The following DCLK1 variants were observed in gnomAD, a reference collection of about 807,000 sequenced individuals.
DCLK1 encodes serine/threonine-protein kinase DCLK1.
DCLK1 carries 16 observed loss-of-function variants against 86.2 expected under a neutral mutation model. The observed-to-expected ratio is 0.19, with a 90% CI of 0.13 to 0.28. The LOEUF is 0.28. Among genes scored for constraint, DCLK1 ranks in the 10% least tolerant of loss-of-function variants. DCLK1 has a pLI of 1.00. For missense variants in DCLK1, 590 were observed against 940.2 expected, an observed-to-expected ratio of 0.63 and a Z score of 4.87; for synonymous variants, 369 against 370.5, an observed-to-expected ratio of 1.00 and a Z score of 0.05.
At chr13:35,989,110 CAT>C (rs1310670600) in intron 3 of DCLK1, among the ~76,000 whole-genome samples, 1 of 152,138 alleles carries the variant, frequency 6.6e-6, no homozygotes, top group African/African-American at 2.4e-5. Flanking sequence ...GAATCCATAA[CAT>C]ATTCACTCTC....
intron 3 of DCLK1, among the ~76,000 whole-genome samples, chr13:36,015,603 A>T (rs1265058795): frequency 6.6e-6 from 1 of 152,124 alleles, no homozygotes; most frequent in Admixed American, 6.6e-5. Context: ...AGCCTGTCAC[A>T]ACCTATTTTC....
chr13:35,897,067 T>G (rs1403729938), intron 4 of DCLK1, among the ~76,000 whole-genome samples: 1 of 152,072 alleles, frequency 6.6e-6, no homozygotes, highest in African/African-American at 2.4e-5. Flanking sequence ...TGCCAGCCAT[T>G]CTTCATTATC....
intron 4 of DCLK1, among the ~76,000 whole-genome samples, chr13:35,915,668 C>T (rs1486412521): frequency 1.3e-5 from 2 of 151,848 alleles, no homozygotes; most frequent in Non-Finnish European, 2.9e-5. Context: ...CACACCACTG[C>T]ACTCCAGCCT....
At chr13:35,840,228 A>G (rs1869695143) in intron 6 of DCLK1, among the ~76,000 whole-genome samples, 1 of 152,166 alleles carries the variant, frequency 6.6e-6, no homozygotes, top group Non-Finnish European at 1.5e-5. Context: ...CTCCTCCCCA[A>G]CCCATTCAGC....
At chr13:35,835,274 G>A (rs1869275013) in intron 8 of DCLK1, among the ~76,000 whole-genome samples, 1 of 152,154 alleles carries the variant, frequency 6.6e-6, no homozygotes. Context: ...AGAGGACACA[G>A]TCCCTCAAGG....
chr13:35,857,613 T>C (rs962762762), intron 5 of DCLK1, among the ~76,000 whole-genome samples: 17 of 152,264 alleles, frequency 1.1e-4, no homozygotes, highest in African/African-American at 4.1e-4. Context: ...TGTGTGTCTT[T>C]TGTTTAAATT....
intron 4 of DCLK1, among the ~76,000 whole-genome samples, chr13:35,934,607 C>T (rs1258652711): frequency 1.3e-5 from 2 of 152,086 alleles, no homozygotes; most frequent in African/African-American, 2.4e-5. Context: ...GAAACTGCAC[C>T]CACGATTCAA....
At position 35,827,689 on chromosome 13, in the gene DCLK1, C is replaced by G; in HGVS notation, c.1353G>C (p.Leu451=). Residue 451 remains leucine, a synonymous_variant, in exon 10 of 17, where the codon CTG becomes CTC. Coordinates refer to ENST00000360631, the MANE Select transcript of DCLK1 (RefSeq NM_001330071.2). The stretch of plus-strand genomic sequence containing the variant: ...CAGTTGGCACATCCATCTCCTCAAT[C>G]AGAAGAACGATATTGGGATGCTTCA... The part of the protein sequence containing the change: ...RRVKHPNIVL[L]IEEMDVPTEL... 6.2e-7 allele frequency: 1 copy of G among 1,613,962 alleles called. No homozygotes were observed. Among genetic ancestry groups the G allele is most frequent in the Non-Finnish European group, 8.5e-7 (1 of 1,179,936 alleles).
At chr13:36,116,110 C>A (rs1194199926) in intron 2 of DCLK1, among the ~76,000 whole-genome samples, 1 of 151,566 alleles carries the variant, frequency 6.6e-6, no homozygotes, top group South Asian at 2.1e-4. Context: ...CCACCACACC[C>A]AGTGAATTTT....
At chr13:36,025,448 T>C (rs1052135116) in intron 3 of DCLK1, among the ~76,000 whole-genome samples, 1 of 152,202 alleles carries the variant, frequency 6.6e-6, no homozygotes. Context: ...GTTAGCATAA[T>C]TCCTAATAGA....
intron 8 of DCLK1, among the ~76,000 whole-genome samples, chr13:35,828,907 T>C (rs750070138): frequency 2.0e-5 from 3 of 152,184 alleles, no homozygotes; most frequent in Admixed American, 6.5e-5. Context: ...CACTCCACGC[T>C]CTTTAGACCT....
intron 3 of DCLK1, among the ~76,000 whole-genome samples, chr13:36,002,624 A>C (rs1463840116): frequency 6.6e-6 from 1 of 152,156 alleles, no homozygotes; most frequent in East Asian, 1.9e-4. Context: ...TTGCTGGGAG[A>C]TCAAGAATTA....
intron 3 of DCLK1, among the ~76,000 whole-genome samples, chr13:35,975,425 G>T (rs1879284459): frequency 6.6e-6 from 1 of 152,130 alleles, no homozygotes; most frequent in South Asian, 2.1e-4. Flanking sequence ...GCAACAAGGT[G>T]CAGGGAGGCG....
rs535007156 is a variant in DCLK1, at chr13:35,878,900, C to T, written c.824-7560G>A. 3.3e-5 allele frequency among the ~76,000 whole-genome samples: 5 copies of T among 152,088 alleles called. No individual in the cohort carries two copies. The South Asian group carries it at 6.2e-4, about 19-fold the overall frequency. The stretch of plus-strand genomic sequence containing the variant: ...TCCCAGGTTCAGGTGATTCTCCTGC[C>T]TCAGCCTCCTGAGCCACTGGGATTA... On this transcript the variant is annotated intron_variant, in intron 4 of 16. Coordinates refer to ENST00000360631, the MANE Select transcript of DCLK1 (RefSeq NM_001330071.2).
chr13:36,116,262 TG>T (rs1205913812), intron 2 of DCLK1, among the ~76,000 whole-genome samples: 1 of 152,218 alleles, frequency 6.6e-6, no homozygotes, highest in Non-Finnish European at 1.5e-5. Flanking sequence ...TATTTTTAAA[TG>T]ATCATACTGG....
chr13:36,098,653 G>T (rs1044794823), intron 3 of DCLK1, among the ~76,000 whole-genome samples: 1 of 152,114 alleles, frequency 6.6e-6, no homozygotes, highest in African/African-American at 2.4e-5. Context: ...TTTCTCTTGT[G>T]CCCCAAAATG....
At chr13:36,129,605 T>C (rs1414106240) in intron 1 of DCLK1, among the ~76,000 whole-genome samples, 1 of 152,234 alleles carries the variant, frequency 6.6e-6, no homozygotes, top group South Asian at 2.1e-4. Flanking sequence ...ATTTGAACCA[T>C]GCATGAGCTT....
At chr13:35,900,697 C>T (rs1874300614) in intron 4 of DCLK1, among the ~76,000 whole-genome samples, 1 of 152,102 alleles carries the variant, frequency 6.6e-6, no homozygotes, top group Admixed American at 6.5e-5. Flanking sequence ...ATGTTTTTCC[C>T]CGGCTTCCCT....
intron 3 of DCLK1, among the ~76,000 whole-genome samples, chr13:35,997,914 A>G (rs905191616): frequency 6.6e-6 from 1 of 152,160 alleles, no homozygotes; most frequent in Non-Finnish European, 1.5e-5. Flanking sequence ...CTGATATTTA[A>G]TATAAAGCAC....
Sources: allele counts gnomAD v4.1 joint callset (sites outside exome capture counted in the v4.1 genomes callset), GRCh38; gene constraint gnomAD v4.1.1; transcripts MANE v1.5; gene names NCBI Gene and HGNC (gene_info 2026-07-23, HGNC 2026-07-21).